Variants in THTPA observed in about 807,000 individuals in gnomAD.
THTPA encodes thiamine triphosphatase.
Under a neutral mutation model 16.5 loss-of-function variants are expected in THTPA, and 16 were observed. That is an observed-to-expected ratio of 0.97 (90% CI 0.66 to 1.47). The LOEUF (loss-of-function observed/expected upper bound fraction) is 1.47. Among genes scored for constraint, THTPA ranks in the 40% most tolerant of loss-of-function variants. THTPA has a pLI of 0.00. For missense variants in THTPA, 281 were observed against 280.9 expected (o/e 1.00, Z 0.00); for synonymous variants, 110 against 115.5 (o/e 0.95, Z 0.30).
At chr14:23,521,038 G>C in the THTPA span, 2 of 152,106 alleles carry the variant, frequency 1.3e-5, no homozygotes, top group African/African-American at 4.8e-5. Context: ...TTTGCCGTTG[G>C]TGGGCAGTGC....
chr14:23,531,494 C>T, the THTPA span: 1 of 1,425,100 alleles, frequency 7.0e-7, no homozygotes, highest in Admixed American at 2.4e-5. Context: ...GAGTCCGGAG[C>T]TGCCCGTGGC....
At chr14:23,529,543 G>GA in the THTPA span, 1 of 690,554 alleles carries the variant, frequency 1.4e-6, no homozygotes, top group Non-Finnish European at 2.5e-6. Context: ...CTCTGCCCCC[G>GA]AAAGTGCTGA....
At chr14:23,540,717 G>T in the THTPA span, among the ~76,000 whole-genome samples, 1 of 152,160 alleles carries the variant, frequency 6.6e-6, no homozygotes, top group East Asian at 1.9e-4. Flanking sequence ...CCTTATCTGG[G>T]AAAATGGGAA....
chr14:23,533,107 T>C, the THTPA span: 2 of 1,491,474 alleles, frequency 1.3e-6, no homozygotes, highest in African/African-American at 2.8e-5. The surrounding 1 kb of genome is among the most constrained non-coding windows in gnomAD (Gnocchi z 4.8). Context: ...GACAGATTAG[T>C]GGCCCAAGAA....
chr14:23,557,261 A>G lies in THTPA; in HGVS notation c.504A>G (p.Val168=). 2 of 1,610,444 alleles carry G rather than the reference A, an allele frequency of 1.2e-6. No homozygotes were observed. Among genetic ancestry groups the G allele is most frequent in the East Asian group, 2.2e-5 (1 of 44,868 alleles). The change falls in exon 1 of 2, where the codon GTA becomes GTG. Residue 168 remains valine, a synonymous_variant. Transcript: ENST00000288014. ...VEALVHEEAE[V]PTALEKIHRL... is the part of the protein sequence containing the mutation. ...CCCTGGTGCATGAGGAGGCTGAAGTACCAACTGCCCTAGAGAAGATCCACA... is the reference window on the plus strand; with the variant it reads ...CCCTGGTGCATGAGGAGGCTGAAGTGCCAACTGCCCTAGAGAAGATCCACA...
At chr14:23,524,234 A>G in the THTPA span, 1 of 1,536,416 alleles carries the variant, frequency 6.5e-7, no homozygotes. The surrounding 1 kb of genome is among the most constrained non-coding windows in gnomAD (Gnocchi z 5.6). Flanking sequence ...CTGGAACCAG[A>G]CCTGTACCAC....
At chr14:23,514,208 T>C in the THTPA span, 1 of 152,280 alleles carries the variant, frequency 6.6e-6, no homozygotes, top group Non-Finnish European at 1.5e-5. Flanking sequence ...AGGTGGGGTG[T>C]TTGGGAGACC....
chr14:23,537,010 C>T, the THTPA span, among the ~76,000 whole-genome samples: 1 of 151,978 alleles, frequency 6.6e-6, no homozygotes, highest in Admixed American at 6.6e-5. Context: ...CGTGGTGGTG[C>T]ATGCCTGTAA....
chr14:23,522,518 A>G, the THTPA span: 3 of 1,530,254 alleles, frequency 2.0e-6, no homozygotes, highest in Non-Finnish European at 1.7e-6. Context: ...GGTCTGAGGT[A>G]TCATGGGGTT....
the THTPA span, chr14:23,532,730 A>G: frequency 2.0e-6 from 3 of 1,535,780 alleles, no homozygotes; most frequent in East Asian, 2.4e-5. Flanking sequence ...AGGGGTGCCC[A>G]TGGCTCCACC....
chr14:23,517,775 C>T, the THTPA span, among the ~76,000 whole-genome samples: 2 of 152,072 alleles, frequency 1.3e-5, no homozygotes, highest in Non-Finnish European at 2.9e-5. Flanking sequence ...CTGCTGCCAT[C>T]CCCCTGTCCC....
chr14:23,533,211 G>C, the THTPA span: 1 of 1,435,742 alleles, frequency 7.0e-7, no homozygotes, highest in Non-Finnish European at 9.1e-7. The surrounding 1 kb of genome is among the most constrained non-coding windows in gnomAD (Gnocchi z 4.8). Context: ...GTGGGGAGTT[G>C]GTCCTTGGGA....
chr14:23,524,100 C>T, the THTPA span: 24 of 1,533,644 alleles, frequency 1.6e-5, no homozygotes, highest in Non-Finnish European at 2.0e-5. This position sits in a 1 kb window ranked among gnomAD's most constrained non-coding sequence, Gnocchi z 5.6. Context: ...TCTACCTTGC[C>T]TAATAAGAGG....
chr14:23,525,705 G>A, the THTPA span: 3 of 1,523,796 alleles, frequency 2.0e-6, no homozygotes, highest in Admixed American at 2.0e-5. The surrounding 1 kb of genome is among the most constrained non-coding windows in gnomAD (Gnocchi z 5.9). Flanking sequence ...GCCATGGGGG[G>A]CCGCTCCCAC....
chr14:23,529,997 G>A, the THTPA span: 1 of 1,103,488 alleles, frequency 9.1e-7, no homozygotes, highest in South Asian at 1.3e-5. Flanking sequence ...TCCCCCTGAT[G>A]AGCCCTTTCT....
chr14:23,538,523 G>A, the THTPA span, among the ~76,000 whole-genome samples: 4 of 152,042 alleles, frequency 2.6e-5, no homozygotes, highest in East Asian at 1.9e-4. Context: ...GTGCAGAAAC[G>A]GACAGGCCTA....
the THTPA span, chr14:23,525,431 C>T: frequency 4.6e-6 from 7 of 1,535,978 alleles, no homozygotes; most frequent in Admixed American, 2.0e-5. The surrounding 1 kb of genome is among the most constrained non-coding windows in gnomAD (Gnocchi z 5.9). Context: ...CAGAAAGCGG[C>T]GGTGGACATG....
At chr14:23,550,498 T>A in the THTPA span, among the ~76,000 whole-genome samples, 2 of 151,926 alleles carry the variant, frequency 1.3e-5, no homozygotes, top group Non-Finnish European at 2.9e-5. Context: ...GGGTCACAAG[T>A]GGAGACAGTG....
chr14:23,521,331 G>A, the THTPA span: 1 of 152,564 alleles, frequency 6.6e-6, no homozygotes, highest in East Asian at 1.9e-4. Context: ...AGAGTTTTGT[G>A]GGCTCCCTGC....
Sources: gnomAD v4.1 joint callset for allele counts (sites outside exome capture counted in the v4.1 genomes callset) on GRCh38, gnomAD v4.1.1 for gene constraint, Gnocchi (gnomAD v3.1) non-coding constraint, MANE v1.5 for transcripts, NCBI Gene and HGNC (gene_info 2026-07-23, HGNC 2026-07-21) for gene names.